Variants in MEI1 observed in about 807,000 individuals in gnomAD.
The protein encoded by MEI1 is meiosis inhibitor protein 1.
A neutral mutation model predicts 146.2 loss-of-function variants in MEI1; 103 were observed. The ratio of observed to expected loss-of-function variants is 0.70; its 90% CI spans 0.60 to 0.83. The LOEUF (loss-of-function observed/expected upper bound fraction) is 0.83. Among genes scored for constraint, MEI1 ranks in the 40% least tolerant of loss-of-function variants. The probability of loss-of-function intolerance (pLI) is 0.00; values close to 1 mark genes in which losing one functional copy is unlikely to be tolerated. For synonymous variants in MEI1, 652 were observed against 628.2 expected, an observed-to-expected ratio of 1.04 and a Z score of -0.57; for missense variants, 1,529 against 1,533.0, an observed-to-expected ratio of 1.00 and a Z score of 0.04.
chr22:41,771,263 G>T (rs2075167887), intron 20 of MEI1, among the ~76,000 whole-genome samples: 1 of 152,168 alleles, frequency 6.6e-6, no homozygotes, highest in African/African-American at 2.4e-5. Flanking sequence ...TCACCTCCCT[G>T]TCATCTCTCA....
At chr22:41,709,527 G>A (rs1352523688) in intron 3 of MEI1, 2 of 567,204 alleles carry the variant, frequency 3.5e-6, no homozygotes, top group Non-Finnish European at 3.3e-6. Flanking sequence ...GGTGCTGTGC[G>A]CGGGATGCAG....
chr22:41,768,255 G>A (rs1316150674), intron 19 of MEI1, among the ~76,000 whole-genome samples: 4 of 151,990 alleles, frequency 2.6e-5, no homozygotes, highest in Admixed American at 2.0e-4. Context: ...GGCGGCATGC[G>A]CCTGTAGTCC....
At chr22:41,736,952 T>C (rs1429808023) in intron 11 of MEI1, among the ~76,000 whole-genome samples, 2 of 152,204 alleles carry the variant, frequency 1.3e-5, no homozygotes, top group Non-Finnish European at 1.5e-5. Context: ...TACTAGCATA[T>C]AGAGAAAAAC....
intron 12 of MEI1, among the ~76,000 whole-genome samples, chr22:41,744,293 C>G (rs1351657677): frequency 6.6e-6 from 1 of 152,090 alleles, no homozygotes; most frequent in Non-Finnish European, 1.5e-5. Flanking sequence ...GCCTCAGCCT[C>G]CCTAGTAGCT....
chr22:41,796,270 C>T (rs1032549391), intron 30 of MEI1, among the ~76,000 whole-genome samples: 3 of 152,038 alleles, frequency 2.0e-5, no homozygotes, highest in Non-Finnish European at 2.9e-5. Flanking sequence ...TCACTGTAAC[C>T]TCCGCCTCCC....
chr22:41,757,737 C>A (rs1055264783), intron 17 of MEI1, among the ~76,000 whole-genome samples: 2 of 152,180 alleles, frequency 1.3e-5, no homozygotes, highest in Admixed American at 6.6e-5. Flanking sequence ...CTGCAATTGC[C>A]TGTCTCATTA....
intron 11 of MEI1, among the ~76,000 whole-genome samples, chr22:41,736,832 A>C (rs1276174792): frequency 3.3e-5 from 5 of 152,210 alleles, no homozygotes; most frequent in Admixed American, 3.3e-4. Context: ...AGGACCTGAC[A>C]TCTTTGGGTA....
intron 20 of MEI1, among the ~76,000 whole-genome samples, chr22:41,775,234 T>C (rs1049808082): frequency 1.3e-5 from 2 of 152,192 alleles, no homozygotes; most frequent in Non-Finnish European, 2.9e-5. Context: ...CTTTATAGCT[T>C]GGGGCAGAGA....
intron 11 of MEI1, among the ~76,000 whole-genome samples, chr22:41,741,942 CAAAAAAAA>C (rs10544640): frequency 4.3e-5 from 5 of 116,180 alleles, no homozygotes; most frequent in Admixed American, 9.0e-5. Context: ...GACTCCATCT[CAAAAAAAA>C]AAAAAAAAAA....
Position 41,701,898 on chromosome 22 carries a change from G to C in MEI1, c.175-1433G>C, listed in dbSNP as rs576024602. ...GGTTTTGGGGATAATCAGAGTGTTT[G>C]AAGGGAAAGTGAAAGAGATGAGATT... On this transcript the variant is annotated intron_variant, in intron 1 of 30. Coordinates refer to ENST00000401548, the MANE Select transcript of MEI1 (RefSeq NM_152513.4). Among the ~76,000 whole-genome samples the C allele has an allele frequency of 1.1e-4, 16 of 152,278 alleles. 1 individual carries two copies. The South Asian group carries it at 3.3e-3, about 32-fold the overall frequency.
chr22:41,770,216 C>T (rs768179923), intron 19 of MEI1, among the ~76,000 whole-genome samples: 3 of 152,090 alleles, frequency 2.0e-5, no homozygotes, highest in Non-Finnish European at 4.4e-5. Flanking sequence ...ACAGATTAAT[C>T]TGCCACAGTC....
intron 11 of MEI1, among the ~76,000 whole-genome samples, chr22:41,737,857 G>A (rs1241780523): frequency 2.6e-5 from 4 of 152,058 alleles, no homozygotes; most frequent in Admixed American, 2.0e-4. Flanking sequence ...GTGAGACTAA[G>A]GGATCCTAGC....
chr22:41,716,250 T>G, intron 5 of MEI1, 104 bp downstream of exon 5: 1 of 760,802 alleles, frequency 1.3e-6, no homozygotes. Flanking sequence ...GTCATTACTT[T>G]CCTGCTTTAG....
At chr22:41,768,301 G>C (rs191470469) in intron 19 of MEI1, among the ~76,000 whole-genome samples, 3 of 151,698 alleles carry the variant, frequency 2.0e-5, no homozygotes, top group African/African-American at 7.3e-5. Context: ...AGAATTGCTT[G>C]AATCCTGGAG....
chr22:41,752,496 C>G, intron 15 of MEI1, 95 bp from the exon 16 acceptor site: 2 of 1,164,576 alleles, frequency 1.7e-6, no homozygotes, highest in Non-Finnish European at 2.5e-6. Context: ...CTGTGTAACT[C>G]TGAAACCAGA....
chr22:41,725,855 C>G (rs1424503174), intron 7 of MEI1, among the ~76,000 whole-genome samples: 1 of 152,194 alleles, frequency 6.6e-6, no homozygotes, highest in Non-Finnish European at 1.5e-5. Flanking sequence ...AAACCTGAGT[C>G]TGGCATCTTT....
intron 30 of MEI1, among the ~76,000 whole-genome samples, chr22:41,798,947 C>T (rs1212127952): frequency 6.6e-6 from 1 of 151,556 alleles, no homozygotes; most frequent in Non-Finnish European, 1.5e-5. Flanking sequence ...TGGCTGGTTG[C>T]ACCCAGAGAC....
intron 11 of MEI1, among the ~76,000 whole-genome samples, chr22:41,738,823 C>G (rs1435100302): frequency 2.5e-5 from 3 of 120,622 alleles, no homozygotes; most frequent in African/African-American, 9.7e-5. Context: ...ATAAAATTAG[C>G]TGGGTGTGGT....
At chr22:41,775,411 G>C (rs1220166046) in intron 20 of MEI1, among the ~76,000 whole-genome samples, 1 of 151,910 alleles carries the variant, frequency 6.6e-6, no homozygotes. Flanking sequence ...ACAACCTCTT[G>C]ACCCTAATCC....
Sources: allele counts gnomAD v4.1 joint callset (sites outside exome capture counted in the v4.1 genomes callset), GRCh38; gene constraint gnomAD v4.1.1; transcripts MANE v1.5; gene names NCBI Gene and HGNC (gene_info 2026-07-23, HGNC 2026-07-21).